Variants in TXNDC8 observed in about 807,000 individuals in gnomAD.
TXNDC8 encodes the protein thioredoxin domain containing 8, also known as thioredoxin domain-containing protein 8.
TXNDC8 carries 15 observed loss-of-function variants against 12.9 expected under a neutral mutation model. That is an observed-to-expected ratio of 1.16 (90% confidence interval 0.78 to 1.79). The LOEUF is 1.79. Ranked by LOEUF, TXNDC8 falls within the 40% of genes most tolerant of loss-of-function variation. The pLI is 0.00. For missense variants in TXNDC8, 128 were observed against 113.2 expected, an observed-to-expected ratio of 1.13 and a Z score of -0.59; for synonymous variants, 40 against 35.4, an observed-to-expected ratio of 1.13 and a Z score of -0.46.
chr9:110,311,678 T>TG (rs1838687943), intron 3 of TXNDC8, among the ~76,000 whole-genome samples: 2 of 115,854 alleles, frequency 1.7e-5, no homozygotes, highest in Admixed American at 8.8e-5. Context: ...TAGTATATCC[T>TG]TATATATATA....
intron 1 of TXNDC8, among the ~76,000 whole-genome samples, chr9:110,335,980 G>C (rs1265193716): frequency 2.0e-5 from 3 of 152,106 alleles, no homozygotes; most frequent in Non-Finnish European, 4.4e-5. Context: ...TGAATTATGG[G>C]GGTGGGTTTT....
Position 110,323,927 on chromosome 9 carries a change from G to T in TXNDC8, c.195+2248C>A, listed in dbSNP as rs563626904. The T allele has an allele frequency of 5.4e-5, 84 of 1,550,888 alleles. 1 individual carries two copies. The South Asian group carries it at 9.3e-4, about 17-fold the overall frequency. On this transcript the variant is annotated intron_variant, in intron 3 of 4. Transcript: ENST00000423740. ...AATTAGCTCTGGTTTGACTTGGATT[G>T]GCTTGACTGGAGTCAAGGGTCCATT...
intron 3 of TXNDC8, among the ~76,000 whole-genome samples, chr9:110,315,899 C>A (rs1034232930): frequency 1.3e-5 from 2 of 151,352 alleles, no homozygotes; most frequent in African/African-American, 4.9e-5. Flanking sequence ...AATATAATTT[C>A]TTTTTTCTTT....
At chr9:110,331,037 A>G (rs1343652634) in intron 2 of TXNDC8, among the ~76,000 whole-genome samples, 1 of 152,204 alleles carries the variant, frequency 6.6e-6, no homozygotes, top group African/African-American at 2.4e-5. Flanking sequence ...TTTGCTAACT[A>G]ACTTCCATTT....
intron 3 of TXNDC8, among the ~76,000 whole-genome samples, chr9:110,305,147 CAAAAAAAAAAAAAA>C (rs769344640): frequency 1.8e-5 from 1 of 57,128 alleles, no homozygotes; most frequent in Non-Finnish European, 3.3e-5. Context: ...GATTCTGTCT[CAAAAAAAAAAAAAA>C]AAAAAAAAAG....
At chr9:110,322,375 C>T (rs1839136258) in intron 3 of TXNDC8, 2 of 985,228 alleles carry the variant, frequency 2.0e-6, no homozygotes, top group Non-Finnish European at 2.4e-6. Flanking sequence ...AGCTGCCTGG[C>T]AGAAAATTCA....
intron 3 of TXNDC8, 90 bp downstream of exon 4, chr9:110,326,085 T>G: frequency 7.9e-7 from 1 of 1,267,734 alleles, no homozygotes. Context: ...AATGTAGTTA[T>G]TTCATCCACC....
At chr9:110,305,591 TTTC>T (rs1446694905) in intron 3 of TXNDC8, among the ~76,000 whole-genome samples, 1 of 137,876 alleles carries the variant, frequency 7.3e-6, no homozygotes, top group East Asian at 2.0e-4. Flanking sequence ...TCTTTCTTTC[TTTC>T]TTTCTTTCTT....
At chr9:110,335,593 G>T (rs191452881) in intron 1 of TXNDC8, among the ~76,000 whole-genome samples, 62 of 152,290 alleles carry the variant, frequency 4.1e-4, no homozygotes, top group African/African-American at 1.4e-3. Context: ...GAAAAGTGAA[G>T]TTCACTAACT....
At chr9:110,319,770 G>A (rs1182140891) in intron 3 of TXNDC8, among the ~76,000 whole-genome samples, 1 of 152,196 alleles carries the variant, frequency 6.6e-6, no homozygotes, top group Admixed American at 6.5e-5. Context: ...GAAACAGAGT[G>A]TGTGACCCTT....
rs193188852 is a variant in TXNDC8 at position 110,325,584 on chromosome 9, G to A, written c.195+591C>T. 2.4e-3 allele frequency among the ~76,000 whole-genome samples: 356 copies of A among 148,018 alleles called. 2 individuals are homozygous for A. Among genetic ancestry groups the A allele is most frequent in the African/African-American group, 7.3e-3 (292 of 39,828 alleles). On this transcript the variant is annotated intron_variant, in intron 3 of 4. Coordinates refer to ENST00000423740, the MANE Select transcript of TXNDC8 (RefSeq NM_001286946.2). ...CAGGCTGGATGGAGTGCAGTGGCGC[G>A]ATCTTGGCTCACTGCAAGCTCCGCG...
chr9:110,312,846 ATAT>A (rs1316937415), intron 3 of TXNDC8, among the ~76,000 whole-genome samples: 1 of 152,138 alleles, frequency 6.6e-6, no homozygotes, highest in Non-Finnish European at 1.5e-5. Context: ...TTTTCCATTT[ATAT>A]TATTTTCTGC....
At chr9:110,325,621 T>C (rs537457054) in intron 3 of TXNDC8, among the ~76,000 whole-genome samples, 121 of 151,232 alleles carry the variant, frequency 8.0e-4, no homozygotes, top group African/African-American at 2.4e-3. Context: ...CCTGGGTTCA[T>C]GCCATTCTCC....
At chr9:110,326,310 G>T in intron 2 of TXNDC8, 70 bp from the exon 4 acceptor site, 1 of 1,553,664 alleles carries the variant, frequency 6.4e-7, no homozygotes, top group Non-Finnish European at 8.9e-7. Context: ...CATGTTATTT[G>T]GTAACTTTTT....
intron 2 of TXNDC8, among the ~76,000 whole-genome samples, chr9:110,333,953 A>G (rs1839643388): frequency 6.6e-6 from 1 of 152,254 alleles, no homozygotes; most frequent in African/African-American, 2.4e-5. Flanking sequence ...TGAAGAATCC[A>G]TTAATTTGTA....
chr9:110,320,016 A>G (rs957132437), intron 3 of TXNDC8, among the ~76,000 whole-genome samples: 1 of 152,180 alleles, frequency 6.6e-6, no homozygotes, highest in African/African-American at 2.4e-5. Context: ...AGTAGCATCT[A>G]TGTACTCATA....
At position 110,322,416 on chromosome 9, in the gene TXNDC8, C is replaced by G; in HGVS notation, c.195+3759G>C. On this transcript the variant is annotated intron_variant, in intron 3 of 4. Transcript: ENST00000423740. ...GAGATCTTTAGTGATCTCTGGAATG[C>G]AGGATCTATCAATTCAAAAGAGATA... is the stretch of plus-strand genomic sequence containing the variant. 4 of 985,350 alleles carry G rather than the reference C, an allele frequency of 4.1e-6. No homozygotes were observed. In the South Asian group the frequency reaches 1.4e-4, roughly 35 times the overall value. 61.0% of individuals were successfully genotyped at this position (985,350 alleles called of 1,614,324 possible). A position where few individuals can be genotyped will look rare whatever the true frequency, so the allele number is the denominator to read the frequency against.
chr9:110,321,388 C>T (rs1839086009), intron 3 of TXNDC8, among the ~76,000 whole-genome samples: 1 of 152,118 alleles, frequency 6.6e-6, no homozygotes, highest in Non-Finnish European at 1.5e-5. Flanking sequence ...TCTCCTAACT[C>T]TTGTGTTCTG....
At chr9:110,331,862 C>A (rs1252081911) in intron 2 of TXNDC8, among the ~76,000 whole-genome samples, 1 of 152,170 alleles carries the variant, frequency 6.6e-6, no homozygotes, top group East Asian at 1.9e-4. Flanking sequence ...TGCTGTGTGG[C>A]CAGTTCCGAA....
Sources: allele counts gnomAD v4.1 joint callset (sites outside exome capture counted in the v4.1 genomes callset), GRCh38; gene constraint gnomAD v4.1.1; transcripts MANE v1.5; gene names NCBI Gene and HGNC (gene_info 2026-07-23, HGNC 2026-07-21).